RLF: variants seen among roughly 807,000 people sequenced by gnomAD.
The protein encoded by RLF is zinc finger protein Rlf.
A neutral mutation model predicts 162.9 loss-of-function variants in RLF; 7 were observed. The observed-to-expected ratio is 0.04, with a 90% CI of 0.02 to 0.08. The LOEUF (loss-of-function observed/expected upper bound fraction) is 0.08. Ranked by LOEUF, RLF falls within the 10% of genes least tolerant of loss-of-function variation. The pLI, the probability that RLF is intolerant of heterozygous loss-of-function variation, is 1.00. For synonymous variants in RLF, 782 were observed against 791.5 expected (o/e 0.99, Z 0.20); for missense variants, 1,664 against 2,244.7 (o/e 0.74, Z 5.23).
At chr1:40,195,827 T>C (rs950842756) in intron 4 of RLF, 63 bp downstream of exon 4, 60 of 1,508,972 alleles carry the variant, frequency 4.0e-5, no homozygotes, top group Non-Finnish European at 4.7e-5. Context: ...TGATTATGGG[T>C]TAAAATTTTG....
chr1:40,232,567 G>A (rs1057260388), intron 7 of RLF, among the ~76,000 whole-genome samples: 20 of 152,130 alleles, frequency 1.3e-4, no homozygotes, highest in African/African-American at 4.8e-4. Flanking sequence ...TAGGACTAAG[G>A]TTTCTGTTTT....
At chr1:40,198,390 C>T (rs1570537608) in intron 4 of RLF, among the ~76,000 whole-genome samples, 2 of 148,170 alleles carry the variant, frequency 1.3e-5, no homozygotes, top group African/African-American at 5.0e-5. Context: ...CTGCAACCTC[C>T]GCCTCCTGGG....
In RLF at chr1:40,161,434, C is replaced by G; in HGVS notation, c.35C>G (p.Ala12Gly). The G allele has an allele frequency of 6.4e-7, 1 of 1,558,932 alleles. No individual in the cohort carries two copies. The highest frequency in any genetic ancestry group is 8.6e-7 in the Non-Finnish European group (1 of 1,157,584). ...ADGKGDAAAV[A>G]GAGAEAPAVA... ...GGAAAGGGAGACGCCGCCGCTGTCG[C>G]CGGGGCTGGGGCTGAGGCTCCGGCG... is the stretch of plus-strand genomic sequence containing the variant. Residue 12 changes from alanine to glycine, a missense_variant, in exon 1 of 8, where the codon GCC (alanine) becomes GGC (glycine). Ala to Gly is a moderately conservative substitution (Grantham distance 60). Transcript: ENST00000372771. This position sits in a 1 kb window ranked among gnomAD's most constrained non-coding sequence, Gnocchi z 4.4.
intron 1 of RLF, among the ~76,000 whole-genome samples, chr1:40,162,143 C>T (rs192862277): frequency 6.0e-5 from 9 of 150,688 alleles, no homozygotes; most frequent in South Asian, 4.2e-4. Flanking sequence ...CTAGAGCTTT[C>T]TGATTAGGGA....
intron 1 of RLF, among the ~76,000 whole-genome samples, chr1:40,168,214 C>CAATA (rs778312974): frequency 1.3e-5 from 2 of 151,884 alleles, no homozygotes; most frequent in African/African-American, 4.8e-5. Context: ...GACCTTGTCT[C>CAATA]AATAAATAAA....
At chr1:40,185,824 CTCAAAAAAAAAAAAAAA>C (rs1197193125) in intron 1 of RLF, among the ~76,000 whole-genome samples, 5 of 58,402 alleles carry the variant, frequency 8.6e-5, no homozygotes, top group African/African-American at 2.6e-4. Flanking sequence ...GTGAGACTGT[CTCAAAAAAAAAAAAAAA>C]GCAAAAAAAA....
At chr1:40,191,650 G>A (rs528448670) in intron 3 of RLF, among the ~76,000 whole-genome samples, 101 of 152,200 alleles carry the variant, frequency 6.6e-4, no homozygotes, top group Middle Eastern at 6.8e-3. Context: ...CCAAGAGTCC[G>A]AGGCTGCAGT....
intron 1 of RLF, among the ~76,000 whole-genome samples, chr1:40,179,705 A>G (rs1642382006): frequency 6.6e-6 from 1 of 152,146 alleles, no homozygotes. Flanking sequence ...GAACTTTGTC[A>G]TCTTCCCAAA....
intron 5 of RLF, among the ~76,000 whole-genome samples, chr1:40,215,755 A>G (rs975583609): frequency 1.3e-5 from 2 of 151,914 alleles, no homozygotes; most frequent in African/African-American, 2.4e-5. Context: ...CCCAGAAAAT[A>G]CTTTGAGATG....
chr1:40,227,981 G>C (rs7511982), intron 6 of RLF, among the ~76,000 whole-genome samples: 48,830 of 151,614 alleles, frequency 0.32, 9,147 homozygotes, highest in African/African-American at 0.52. Context: ...CCAGCCTGAG[G>C]GACAGAGCAA....
intron 6 of RLF, among the ~76,000 whole-genome samples, chr1:40,228,678 G>A (rs1643112614): frequency 6.6e-6 from 1 of 152,034 alleles, no homozygotes; most frequent in South Asian, 2.1e-4. Context: ...CTGGAGTATA[G>A]TGGCAAAATC....
chr1:40,239,418 C>T lies in RLF; in HGVS notation c.4716C>T (p.Arg1572=). Residue 1572 remains arginine (R), a synonymous_variant, in exon 8 of 8, where the codon CGC becomes CGT. Transcript: ENST00000372771. ...LESSIVRHYK[R]THQMSSAYLE... ...GCAGCATTGTGAGGCATTACAAACG[C>T]ACTCATCAGATGAGTAGTGCCTATT... The T allele has an allele frequency of 6.2e-7, 1 of 1,614,002 alleles. No individual in the cohort carries two copies. Among genetic ancestry groups the T allele is most frequent in the Non-Finnish European group, 8.5e-7 (1 of 1,180,040 alleles).
At chr1:40,232,850 G>A (rs191824706) in intron 7 of RLF, among the ~76,000 whole-genome samples, 95 of 152,226 alleles carry the variant, frequency 6.2e-4, no homozygotes, top group South Asian at 1.2e-3. Flanking sequence ...GATTGCAGGC[G>A]TGTGCCACTA....
intron 5 of RLF, among the ~76,000 whole-genome samples, chr1:40,221,696 T>A (rs61778546): frequency 0.019 from 2,872 of 151,554 alleles, 52 homozygotes; most frequent in Middle Eastern, 0.038. Flanking sequence ...GTCTGGAGAT[T>A]GAGACCATCC....
intron 5 of RLF, among the ~76,000 whole-genome samples, chr1:40,210,505 A>G (rs575492182): frequency 1.3e-5 from 2 of 152,374 alleles, no homozygotes; most frequent in Non-Finnish European, 2.9e-5. Flanking sequence ...CTTGTGAGAA[A>G]TAAGACCTGT....
chr1:40,235,527 C>T (rs539271101), intron 7 of RLF, among the ~76,000 whole-genome samples: 13 of 152,150 alleles, frequency 8.5e-5, no homozygotes, highest in African/African-American at 2.6e-4. Flanking sequence ...TTTATGCATT[C>T]GGGGTACAGA....
chr1:40,236,369 T>C lies in RLF; in HGVS notation c.1667T>C (p.Phe556Ser). The change falls in exon 8 of 8, where the codon TTC becomes TCC. Residue 556 changes from phenylalanine (F) to serine (S), a missense_variant. Around this residue, in one of 15 missense-constraint regions of RLF, gnomAD observed 31 missense variants for 80.5 expected, o/e 0.39. Coordinates refer to ENST00000372771, the MANE Select transcript of RLF (RefSeq NM_012421.4). This position sits in a 1 kb window ranked among gnomAD's most constrained non-coding sequence, Gnocchi z 7.7. ...CAGAGGTGGCTTCAGTACAAGTTTT[T>C]CTGTTTGTTATGTAAGCGGGAATGT... is the stretch of plus-strand genomic sequence containing the variant. ...RYQRWLQYKFFCLLCKRECIE... is the reference protein window; with the variant it reads ...RYQRWLQYKFSCLLCKRECIE... 6.2e-7 allele frequency: 1 copy of C among 1,614,040 alleles called. No individual in the cohort carries two copies. Among genetic ancestry groups the C allele is most frequent in the South Asian group, 1.1e-5 (1 of 91,068 alleles).
At chr1:40,166,880 G>A (rs1479211507) in intron 1 of RLF, among the ~76,000 whole-genome samples, 5 of 150,884 alleles carry the variant, frequency 3.3e-5, no homozygotes, top group Non-Finnish European at 7.4e-5. Context: ...GGGCGGGATA[G>A]CATTAGGAGA....
chr1:40,238,471 T>G lies in RLF; in HGVS notation c.3769T>G (p.Leu1257Val). The change falls in exon 8 of 8, where the codon TTG becomes GTG. Residue 1257 changes from leucine (L) to valine (V), a missense_variant. Coordinates refer to ENST00000372771, the MANE Select transcript of RLF (RefSeq NM_012421.4). This position sits in a 1 kb window ranked among gnomAD's most constrained non-coding sequence, Gnocchi z 5.2. ...GGATGAATGTAGTTCTGAAACAGAT[T>G]TGGAATCATCTTGTGAAGAAACAGA... ...KKDECSSETD[L>V]ESSCEETESK... is the part of the protein sequence containing the mutation. 1.9e-6 allele frequency: 3 copies of G among 1,614,092 alleles called. No individual in the cohort carries two copies. The highest frequency in any genetic ancestry group is 2.2e-5 in the South Asian group (2 of 91,080).
Sources: gnomAD v4.1 joint callset for allele counts (sites outside exome capture counted in the v4.1 genomes callset) on GRCh38, gnomAD v4.1.1 for gene constraint, gnomAD v4.1.1 regional missense constraint, Gnocchi (gnomAD v3.1) non-coding constraint, MANE v1.5 for transcripts, NCBI Gene and HGNC (gene_info 2026-07-23, HGNC 2026-07-21) for gene names.